Variants in NLRP7 observed in about 807,000 individuals in gnomAD.
NLRP7 encodes the protein NACHT, LRR and PYD domains-containing protein 7.
NLRP7 carries 72 observed loss-of-function variants against 85.5 expected under a neutral mutation model. The ratio of observed to expected loss-of-function variants is 0.84; its 90% CI spans 0.70 to 1.02. The LOEUF (loss-of-function observed/expected upper bound fraction) is 1.02, where lower values mean the gene tolerates loss of function less well. NLRP7 is among the 50% of genes least tolerant of loss of function. NLRP7 has a pLI of 0.00. For synonymous variants in NLRP7, 550 were observed against 505.2 expected, an observed-to-expected ratio of 1.09 and a Z score of -1.19; for missense variants, 1,243 against 1,219.5, an observed-to-expected ratio of 1.02 and a Z score of -0.29.
At chr19:54,929,910 C>G (rs2068599173) in intron 9 of NLRP7, among the ~76,000 whole-genome samples, 1 of 149,940 alleles carries the variant, frequency 6.7e-6, no homozygotes, top group South Asian at 2.1e-4. Flanking sequence ...GTCAGGAGAT[C>G]GAGACCATCC....
At chr19:54,939,645 C>A in exon 4 of NLRP7, 1 of 1,611,620 alleles carries the variant, frequency 6.2e-7, no homozygotes, top group South Asian at 1.1e-5. Flanking sequence ...AGGAACAGCC[C>A]CGTGCGGGTG....
rs1409977921 is a variant in NLRP7 at position 54,934,326 on chromosome 19, C to T, written c.2471+163G>A. The stretch of plus-strand genomic sequence containing the variant: ...TCCTGAACTCAGATGATCCGCCCAC[C>T]TCTCTGCTGAGATTACAGGCAGGAG... On this transcript the variant is annotated intron_variant, in intron 7 of 9. Coordinates refer to ENST00000340844, the Ensembl canonical transcript of NLRP7. This position sits in a 1 kb window ranked among gnomAD's most constrained non-coding sequence, Gnocchi z 6.7. 1.3e-5 allele frequency among the ~76,000 whole-genome samples: 2 copies of T among 152,170 alleles called. No homozygotes were observed. The highest frequency in any genetic ancestry group is 2.9e-5 in the Non-Finnish European group (2 of 68,032).
In NLRP7 at chr19:54,958,559, C is replaced by T. The variant is rs142183838; in HGVS notation, c.-77+7481G>A. On this transcript the variant is annotated intron_variant, in intron 1 of 2. Coordinates refer to the NLRP7 transcript ENST00000587103. Reference sequence around the variant, plus strand: ...ACTCTGGAGGCTGAGGCAGGAGAATCGCTTGAACCCGGGAGGCAAAGGTTG... The same window carrying T: ...ACTCTGGAGGCTGAGGCAGGAGAATTGCTTGAACCCGGGAGGCAAAGGTTG... 8.6e-3 allele frequency among the ~76,000 whole-genome samples: 1,304 copies of T among 152,114 alleles called. 21 individuals are homozygous for T. The highest frequency in any genetic ancestry group is 0.03 in the African/African-American group (1,229 of 41,474).
chr19:54,954,511 A>T (rs1230410588), intron 1 of NLRP7, among the ~76,000 whole-genome samples: 1 of 126,090 alleles, frequency 7.9e-6, no homozygotes, highest in Non-Finnish European at 1.6e-5. Context: ...GCCTGGTGAA[A>T]GAGCGAGACT....
intron 9 of NLRP7, among the ~76,000 whole-genome samples, chr19:54,926,202 A>AGG (rs1213499970): frequency 1.3e-3 from 107 of 81,622 alleles, no homozygotes; most frequent in African/African-American, 4.6e-3. Context: ...TATAATGATT[A>AGG]GGGGTGTGTG....
intron 1 of NLRP7, among the ~76,000 whole-genome samples, chr19:54,955,622 C>G (rs1010253751): frequency 3.3e-5 from 5 of 152,126 alleles, no homozygotes; most frequent in African/African-American, 1.2e-4. Context: ...AACCCCATCT[C>G]TACAAAAAAT....
At chr19:54,940,088 T>A (rs2069152125) in exon 4 of NLRP7, 2 of 1,614,162 alleles carry the variant, frequency 1.2e-6, no homozygotes, top group East Asian at 4.5e-5. Context: ...TCTCTGTGCT[T>A]GGGCTAGGAT....
intron 9 of NLRP7, chr19:54,927,726 C>G (rs1211831228): frequency 6.2e-7 from 1 of 1,613,990 alleles, no homozygotes; most frequent in Admixed American, 1.7e-5. Context: ...CTGAGGAGAG[C>G]AGATCCAAGA....
chr19:54,936,163 G>A lies in NLRP7; in HGVS notation c.2300+98C>T. 5 of 1,039,714 alleles carry A rather than the reference G, an allele frequency of 4.8e-6. No homozygotes were observed. The South Asian group carries it at 6.6e-5, about 14-fold the overall frequency. The allele number at this position is 1,039,714 out of a possible 1,614,324, so 64.4% of individuals were successfully genotyped here. ...GTTTGAGGAATACATTCCCTGTCTGGGACGGCATCTGGAGTGGTTACCCTT... is the reference window on the plus strand; with the variant it reads ...GTTTGAGGAATACATTCCCTGTCTGAGACGGCATCTGGAGTGGTTACCCTT... On this transcript the variant is annotated intron_variant, in intron 6 of 9. Coordinates refer to ENST00000340844, the Ensembl canonical transcript of NLRP7.
chr19:54,926,760 AC>A (rs1236751093), intron 9 of NLRP7, among the ~76,000 whole-genome samples: 3 of 150,982 alleles, frequency 2.0e-5, no homozygotes, highest in African/African-American at 7.3e-5. Context: ...TACTAAAAAT[AC>A]AAAAATTAGC....
chr19:54,950,083 C>T (rs577959091), upstream of NLRP7, among the ~76,000 whole-genome samples: 16 of 150,702 alleles, frequency 1.1e-4, no homozygotes, highest in African/African-American at 2.0e-4. Flanking sequence ...GCCTGGGTGA[C>T]GGAGTTAGAC....
At chr19:54,949,208 T>C (rs1011496555), upstream of NLRP7, among the ~76,000 whole-genome samples, 1 of 150,332 alleles carries the variant, frequency 6.7e-6, no homozygotes, top group African/African-American at 2.5e-5. Context: ...AACCTGGGAG[T>C]TGGAGGTTGC....
intron 1 of NLRP7, among the ~76,000 whole-genome samples, chr19:54,945,551 T>C (rs1297622587): frequency 2.0e-5 from 3 of 152,032 alleles, no homozygotes; most frequent in East Asian, 2.0e-4. Context: ...ATTACAGGTA[T>C]GAGCCACCAG....
intron 1 of NLRP7, among the ~76,000 whole-genome samples, chr19:54,959,434 G>A (rs2069966009): frequency 1.3e-5 from 2 of 149,766 alleles, no homozygotes; most frequent in South Asian, 4.2e-4. Context: ...ACCGTGCCCG[G>A]CCTCCTTGTT....
Position 54,934,355 on chromosome 19 carries a change from C to T in NLRP7, c.2471+134G>A. On this transcript the variant is annotated intron_variant, in intron 7 of 9. Transcript: ENST00000340844. The surrounding 1 kb of genome is among the most constrained non-coding windows in gnomAD (Gnocchi z 6.7). ...CTGCTGAGATTACAGGCAGGAGCCA[C>T]CGTGCCGGGCCTGAAGCAGGTGTTT... 2 of 897,294 alleles carry T rather than the reference C, an allele frequency of 2.2e-6. No homozygotes were observed. The highest frequency in any genetic ancestry group is 3.8e-6 in the Non-Finnish European group (2 of 531,150). The allele number at this position is 897,294 out of a possible 1,614,324, so 55.6% of individuals were successfully genotyped here. A position where few individuals can be genotyped will look rare whatever the true frequency, so the allele number is the denominator to read the frequency against.
In NLRP7 at chr19:54,934,445, C is replaced by T. The variant is rs770709812; in HGVS notation, c.2471+44G>A. The T allele has an allele frequency of 6.2e-7, 1 of 1,601,580 alleles. No homozygotes were observed. The highest frequency in any genetic ancestry group is 1.1e-5 in the South Asian group (1 of 90,820). On this transcript the variant is annotated intron_variant, in intron 7 of 9. Transcript: ENST00000340844. This position sits in a 1 kb window ranked among gnomAD's most constrained non-coding sequence, Gnocchi z 6.7. ...AGGTGTTACCCTTTCTCTTCTATAG[C>T]CCCAGAACTAAACCAGAGCTGCCCA...
chr19:54,923,930 G>C (rs1327045514), intron 9 of NLRP7, 58 bp from the exon 11 acceptor site: 1 of 1,570,892 alleles, frequency 6.4e-7, no homozygotes, highest in Non-Finnish European at 8.7e-7. Context: ...TACCCAGGAT[G>C]CCTGAATATC....
intron 9 of NLRP7, 136 bp downstream of exon 10, chr19:54,927,469 T>C (rs2068493417): frequency 6.4e-6 from 5 of 777,974 alleles, no homozygotes; most frequent in Non-Finnish European, 1.1e-5. Flanking sequence ...GGCAGGAGAA[T>C]TGCTTGAACC....
chr19:54,938,590 G>A (rs1160789544), intron 4 of NLRP7, among the ~76,000 whole-genome samples: 1 of 152,158 alleles, frequency 6.6e-6, no homozygotes, highest in African/African-American at 2.4e-5. Flanking sequence ...ACCGGGCAAG[G>A]TGGTGCACGC....
Sources: gnomAD v4.1 joint callset for allele counts (sites outside exome capture counted in the v4.1 genomes callset) on GRCh38, gnomAD v4.1.1 for gene constraint, Gnocchi (gnomAD v3.1) non-coding constraint, MANE v1.5 for transcripts, NCBI Gene and HGNC (gene_info 2026-07-23, HGNC 2026-07-21) for gene names.